HS6ST2: variants seen among roughly 807,000 people sequenced by gnomAD.
HS6ST2 encodes heparan sulfate 6-O-sulfotransferase 2.
In HS6ST2, 17 loss-of-function variants were observed where a neutral mutation model predicts 33.0. The ratio of observed to expected loss-of-function variants is 0.52; its 90% CI spans 0.35 to 0.77. The LOEUF (loss-of-function observed/expected upper bound fraction) is 0.77. Ranked by LOEUF, HS6ST2 falls within the 30% of genes least tolerant of loss-of-function variation. The probability of loss-of-function intolerance (pLI) is 0.01; values close to 1 mark genes in which losing one functional copy is unlikely to be tolerated. For synonymous variants in HS6ST2, 248 were observed against 237.1 expected (o/e 1.05, Z -0.42); for missense variants, 519 against 551.7 (o/e 0.94, Z 0.59).
intron 2 of HS6ST2, among the ~76,000 whole-genome samples, chrX:132,809,866 T>C (rs1384183028): frequency 1.8e-5 from 2 of 111,946 alleles, no homozygotes; most frequent in Admixed American, 9.5e-5. Context: ...TCCAACTCCA[T>C]TGTTCTTTGT....
intron 2 of HS6ST2, among the ~76,000 whole-genome samples, chrX:132,791,084 C>T (rs2065116689): frequency 9.0e-6 from 1 of 110,544 alleles, no homozygotes; most frequent in Non-Finnish European, 1.9e-5. Flanking sequence ...GAGTTTGAGG[C>T]TGCAGTGACC....
chrX:132,897,709 G>C (rs1249676085), intron 2 of HS6ST2, among the ~76,000 whole-genome samples: 1 of 111,351 alleles, frequency 9.0e-6, no homozygotes, highest in African/African-American at 3.3e-5. Flanking sequence ...GTGTGGATGT[G>C]ACAACTTCTG....
chrX:132,654,600 T>G lies in HS6ST2; in HGVS notation c.1067+14513A>C, dbSNP rs2063717737. 3.6e-5 allele frequency among the ~76,000 whole-genome samples: 4 copies of G among 112,446 alleles called. No homozygotes were observed. The Admixed American group carries it at 3.8e-4, about 11-fold the overall frequency. ...AATACTTCTTTATGTATCCATTTTT[T>G]TTAGAACTTTTTCACATATCGAGTT... is the stretch of plus-strand genomic sequence containing the variant. On this transcript the variant is annotated intron_variant, in intron 4 of 4. Coordinates refer to ENST00000370833, the MANE Select transcript of HS6ST2 (RefSeq NM_001394073.1).
chrX:132,894,790 C>A (rs2066358103), intron 2 of HS6ST2, among the ~76,000 whole-genome samples: 1 of 111,712 alleles, frequency 9.0e-6, no homozygotes, highest in Admixed American at 9.6e-5. Context: ...CCAGCCTCGG[C>A]CTCCCAAAAT....
chrX:132,959,899 G>A (rs1266089876), upstream of HS6ST2, among the ~76,000 whole-genome samples: 1 of 112,148 alleles, frequency 8.9e-6, no homozygotes, highest in Non-Finnish European at 1.9e-5. Flanking sequence ...GCCGTTCTCA[G>A]GCAATTCTGT....
At chrX:132,927,157 C>G (rs970359921) in intron 2 of HS6ST2, among the ~76,000 whole-genome samples, 1 of 110,922 alleles carries the variant, frequency 9.0e-6, no homozygotes, top group Non-Finnish European at 1.9e-5. Context: ...ACTCTCATCC[C>G]TACCATCTAT....
At chrX:132,852,072 T>G (rs903416010) in intron 2 of HS6ST2, among the ~76,000 whole-genome samples, 3 of 110,631 alleles carry the variant, frequency 2.7e-5, no homozygotes, top group African/African-American at 9.9e-5. Flanking sequence ...AGCCCAGGAG[T>G]TCAAGGCTGC....
At chrX:132,714,150 A>G (rs1316979394) in intron 2 of HS6ST2, among the ~76,000 whole-genome samples, 1 of 111,359 alleles carries the variant, frequency 9.0e-6, no homozygotes. Flanking sequence ...AAGGTAACAG[A>G]AAGAGGCCTG....
intron 2 of HS6ST2, among the ~76,000 whole-genome samples, chrX:132,882,904 G>A (rs1415680676): frequency 9.0e-6 from 1 of 111,290 alleles, no homozygotes; most frequent in African/African-American, 3.3e-5. Flanking sequence ...TTGTCTTTGG[G>A]ACTGTTTATA....
intron 3 of HS6ST2, chrX:132,669,579 A>G (rs1415806789): frequency 1.7e-5 from 2 of 120,900 alleles, no homozygotes; most frequent in Non-Finnish European, 3.4e-5. Context: ...AATTCTCTTC[A>G]TTACATGTTC....
At chrX:132,640,039 T>G (rs1346598997) in intron 4 of HS6ST2, among the ~76,000 whole-genome samples, 1 of 111,684 alleles carries the variant, frequency 9.0e-6, no homozygotes, top group Non-Finnish European at 1.9e-5. Context: ...CTTTTAGCCC[T>G]GGAGGTGAGG....
At position 132,636,566 on chromosome X, in the gene HS6ST2, C is replaced by T. The variant is rs771158646; in HGVS notation, c.1068-7473G>A. The stretch of plus-strand genomic sequence containing the variant: ...TCAGAACAGGAGGAAACCTTTGAGA[C>T]AGTAAATCATTTAGGTCAAACCCTT... On this transcript the variant is annotated intron_variant, in intron 4 of 4. Transcript: ENST00000370833. Among the ~76,000 whole-genome samples, 4 of 112,204 alleles carry T rather than the reference C, an allele frequency of 3.6e-5. No individual in the cohort carries two copies. In the South Asian group the frequency reaches 1.5e-3, roughly 42 times the overall value.
chrX:132,704,557 C>CA (rs999401838), intron 3 of HS6ST2, among the ~76,000 whole-genome samples: 6 of 108,356 alleles, frequency 5.5e-5, no homozygotes, highest in African/African-American at 1.3e-4. Context: ...AAACTCGTCT[C>CA]AAAAAAAAAG....
At chrX:132,811,685 A>ATATAT (rs2065345840) in intron 2 of HS6ST2, among the ~76,000 whole-genome samples, 3 of 29,812 alleles carry the variant, frequency 1.0e-4, no homozygotes, top group Non-Finnish European at 1.1e-4. Flanking sequence ...AAGGCTGAAT[A>ATATAT]ATATATATAT....
chrX:132,706,595 T>G (rs1281488402), intron 3 of HS6ST2, among the ~76,000 whole-genome samples: 1 of 112,080 alleles, frequency 8.9e-6, no homozygotes, highest in African/African-American at 3.2e-5. Flanking sequence ...ATTGTGCAAG[T>G]GTGTAGCAAT....
chrX:132,940,981 G>T (rs1017002042), intron 2 of HS6ST2, among the ~76,000 whole-genome samples: 2 of 111,531 alleles, frequency 1.8e-5, no homozygotes, highest in Non-Finnish European at 3.8e-5. Flanking sequence ...CTGAAACCCC[G>T]CACCCAGTCC....
intron 4 of HS6ST2, among the ~76,000 whole-genome samples, chrX:132,632,317 A>T (rs992057245): frequency 6.3e-5 from 7 of 111,325 alleles, no homozygotes; most frequent in Admixed American, 4.8e-4. Context: ...AGAAAGAAAG[A>T]TCTGCTGAAG....
At chrX:132,872,165 C>G (rs2066067242) in intron 2 of HS6ST2, among the ~76,000 whole-genome samples, 1 of 111,576 alleles carries the variant, frequency 9.0e-6, no homozygotes, top group South Asian at 3.8e-4. Context: ...AAATGATTCA[C>G]ATCGGTTGTC....
chrX:132,952,398 C>T (rs1038034253), intron 2 of HS6ST2, among the ~76,000 whole-genome samples: 1 of 111,209 alleles, frequency 9.0e-6, no homozygotes, highest in Non-Finnish European at 1.9e-5. Flanking sequence ...ATGAACCACA[C>T]GACCAGTACT....
Sources: allele counts gnomAD v4.1 joint callset (sites outside exome capture counted in the v4.1 genomes callset), GRCh38; gene constraint gnomAD v4.1.1; transcripts MANE v1.5; gene names NCBI Gene and HGNC (gene_info 2026-07-23, HGNC 2026-07-21).